The following MGAT4C variants were observed in gnomAD, a reference collection of about 807,000 sequenced individuals.
MGAT4C encodes the protein alpha-1,3-mannosyl-glycoprotein 4-beta-N-acetylglucosaminyltransferase C.
MGAT4C carries 19 observed loss-of-function variants against 40.1 expected under a neutral mutation model. The observed-to-expected ratio is 0.47, with a 90% CI of 0.33 to 0.70. The LOEUF is 0.70. Among genes scored for constraint, MGAT4C ranks in the 30% least tolerant of loss-of-function variants. The pLI is 0.02. For missense variants in MGAT4C, 491 were observed against 563.2 expected, an observed-to-expected ratio of 0.87 and a Z score of 1.30; for synonymous variants, 181 against 187.1, an observed-to-expected ratio of 0.97 and a Z score of 0.27.
chr12:86,531,227 C>T (rs373452991), intron 2 of MGAT4C, among the ~76,000 whole-genome samples: 1 of 152,004 alleles, frequency 6.6e-6, no homozygotes, highest in African/African-American at 2.4e-5. Context: ...TGGAACAGTG[C>T]CAGTTAGCAT....
intron 2 of MGAT4C, among the ~76,000 whole-genome samples, chr12:86,523,936 G>T (rs950332269): frequency 6.6e-6 from 1 of 151,964 alleles, no homozygotes; most frequent in Admixed American, 6.6e-5. Flanking sequence ...TCATTTGCTT[G>T]GTAGATTTTT....
At chr12:86,387,355 A>G (rs1956071789) in intron 3 of MGAT4C, among the ~76,000 whole-genome samples, 1 of 152,098 alleles carries the variant, frequency 6.6e-6, no homozygotes, top group African/African-American at 2.4e-5. Flanking sequence ...ATTGCTATAT[A>G]AATATATACA....
intron 1 of MGAT4C, among the ~76,000 whole-genome samples, chr12:86,741,078 G>A (rs1352525431): frequency 2.0e-5 from 3 of 150,676 alleles, no homozygotes; most frequent in African/African-American, 4.9e-5. Flanking sequence ...TTTAGCTCCC[G>A]CTTGTAAGTG....
intron 2 of MGAT4C, among the ~76,000 whole-genome samples, chr12:86,036,299 C>G (rs985141561): frequency 6.7e-6 from 1 of 149,834 alleles, no homozygotes; most frequent in African/African-American, 2.4e-5. Flanking sequence ...AATTGAATAG[C>G]CTTTATTTAT....
intron 2 of MGAT4C, among the ~76,000 whole-genome samples, chr12:86,695,321 A>G (rs567502680): frequency 1.3e-5 from 2 of 152,202 alleles, no homozygotes; most frequent in South Asian, 4.1e-4. Flanking sequence ...CTGTTGGTAA[A>G]AAGGTAAATT....
At chr12:86,618,872 C>T (rs951659701) in intron 2 of MGAT4C, among the ~76,000 whole-genome samples, 42 of 152,024 alleles carry the variant, frequency 2.8e-4, no homozygotes, top group African/African-American at 9.9e-4. Context: ...TGATAGATAA[C>T]CTAAATACCC....
chr12:86,533,641 A>G (rs1959020479), intron 2 of MGAT4C, among the ~76,000 whole-genome samples: 1 of 151,638 alleles, frequency 6.6e-6, no homozygotes, highest in South Asian at 2.1e-4. Flanking sequence ...CTATATACAC[A>G]CATTATTGTA....
intron 1 of MGAT4C, among the ~76,000 whole-genome samples, chr12:86,222,017 T>C (rs1321325689): frequency 6.6e-6 from 1 of 152,222 alleles, no homozygotes; most frequent in Non-Finnish European, 1.5e-5. Context: ...TTGTTGACTG[T>C]AGTGGTGTTG....
At chr12:86,709,430 T>C (rs1171266953) in intron 2 of MGAT4C, among the ~76,000 whole-genome samples, 1 of 152,212 alleles carries the variant, frequency 6.6e-6, no homozygotes, top group Non-Finnish European at 1.5e-5. Context: ...AGCATTTATG[T>C]AATAAAATTA....
At chr12:86,830,464 G>A (rs1952899666) in intron 1 of MGAT4C, among the ~76,000 whole-genome samples, 1 of 151,704 alleles carries the variant, frequency 6.6e-6, no homozygotes, top group Non-Finnish European at 1.5e-5. Flanking sequence ...GTACATATGT[G>A]AAGATTTTTC....
chr12:86,427,246 A>T (rs1257014318), intron 3 of MGAT4C, among the ~76,000 whole-genome samples: 1 of 152,162 alleles, frequency 6.6e-6, no homozygotes, highest in Admixed American at 6.5e-5. Context: ...CATGTATTTC[A>T]TATTACTGTT....
intron 2 of MGAT4C, among the ~76,000 whole-genome samples, chr12:86,012,220 C>T (rs1315775369): frequency 6.6e-6 from 1 of 152,038 alleles, no homozygotes; most frequent in Non-Finnish European, 1.5e-5. Flanking sequence ...TCTGTTACAC[C>T]CAATGGGAAA....
chr12:86,619,499 C>G (rs1962570779), intron 2 of MGAT4C, among the ~76,000 whole-genome samples: 1 of 152,026 alleles, frequency 6.6e-6, no homozygotes, highest in Admixed American at 6.6e-5. Flanking sequence ...CAAATGTACT[C>G]TCAACACCAA....
intron 2 of MGAT4C, among the ~76,000 whole-genome samples, chr12:86,614,903 C>T (rs922398630): frequency 3.3e-5 from 5 of 151,710 alleles, no homozygotes; most frequent in East Asian, 1.9e-4. Flanking sequence ...TCAGACCCAT[C>T]GAAACTTGTA....
chr12:86,502,474 C>G (rs1309597558), intron 2 of MGAT4C, among the ~76,000 whole-genome samples: 1 of 151,752 alleles, frequency 6.6e-6, no homozygotes, highest in South Asian at 2.1e-4. Flanking sequence ...GCACAATACA[C>G]AGAGCAAACT....
chr12:86,203,508 C>G (rs1024694875), intron 1 of MGAT4C, among the ~76,000 whole-genome samples: 2 of 150,998 alleles, frequency 1.3e-5, no homozygotes. Flanking sequence ...AATTATGTAT[C>G]TTCTCTCTCT....
At chr12:86,467,944 AGCT>A (rs1284179015) in intron 2 of MGAT4C, among the ~76,000 whole-genome samples, 1 of 152,118 alleles carries the variant, frequency 6.6e-6, no homozygotes, top group Non-Finnish European at 1.5e-5. Flanking sequence ...AATTTGAATT[AGCT>A]GCTATCTTTT....
At chr12:86,373,452 T>C (rs1048338753) in intron 3 of MGAT4C, among the ~76,000 whole-genome samples, 1 of 152,042 alleles carries the variant, frequency 6.6e-6, no homozygotes, top group Non-Finnish European at 1.5e-5. Context: ...ATCCTTACAA[T>C]ATGTACCTCA....
chr12:86,306,004 A>G (rs1055714593), intron 4 of MGAT4C, among the ~76,000 whole-genome samples: 2 of 150,612 alleles, frequency 1.3e-5, no homozygotes, highest in African/African-American at 5.0e-5. Flanking sequence ...TTTAATGTAT[A>G]TCTCTCCTCT....
Sources: allele counts gnomAD v4.1 joint callset (sites outside exome capture counted in the v4.1 genomes callset), GRCh38; gene constraint gnomAD v4.1.1; transcripts MANE v1.5; gene names NCBI Gene and HGNC (gene_info 2026-07-23, HGNC 2026-07-21).